SHF: variants seen among roughly 807,000 people sequenced by gnomAD.
SHF encodes Src homology 2 domain containing F.
A neutral mutation model predicts 42.4 loss-of-function variants in SHF; 30 were observed. That is an observed-to-expected ratio of 0.71 (90% CI 0.53 to 0.96). SHF has a LOEUF of 0.96. Ranked by LOEUF, SHF falls within the 40% of genes least tolerant of loss-of-function variation. SHF has a pLI of 0.00. For missense variants in SHF, 598 were observed against 634.0 expected (o/e 0.94, Z 0.61); for synonymous variants, 264 against 269.9 (o/e 0.98, Z 0.21).
chr15:45,180,398 T>G (rs560577179), intron 1 of SHF, among the ~76,000 whole-genome samples: 1 of 152,252 alleles, frequency 6.6e-6, no homozygotes, highest in East Asian at 1.9e-4. Context: ...CCACCTTCGG[T>G]GATTCTGTCA....
At chr15:45,198,969 C>A (rs771909719) in exon 2 of SHF, 6 of 1,613,534 alleles carry the variant, frequency 3.7e-6, no homozygotes, top group Non-Finnish European at 5.1e-6. Flanking sequence ...CTCAGACTAC[C>A]CTTGGGGGAT....
chr15:45,178,383 T>C (rs1897940092), intron 1 of SHF, 77 bp from the exon 2 acceptor site: 1 of 1,529,982 alleles, frequency 6.5e-7, no homozygotes, highest in South Asian at 1.3e-5. Flanking sequence ...ACTCTGTCCA[T>C]GGGAGCAAGA....
exon 1 of SHF, chr15:45,201,027 C>A: frequency 2.8e-6 from 1 of 351,620 alleles, no homozygotes; most frequent in Non-Finnish European, 5.6e-6. Flanking sequence ...GCTGCTCTTG[C>A]GGGTGAACGT....
chr15:45,195,345 CT>C (rs1898832911), intron 2 of SHF, among the ~76,000 whole-genome samples: 1 of 152,158 alleles, frequency 6.6e-6, no homozygotes, highest in Admixed American at 6.5e-5. Context: ...TTTTTTGACT[CT>C]TGCTACACAC....
intron 2 of SHF, among the ~76,000 whole-genome samples, chr15:45,196,876 G>A (rs1898882765): frequency 6.7e-6 from 1 of 150,200 alleles, no homozygotes; most frequent in East Asian, 1.9e-4. Flanking sequence ...ACTCCAGCCT[G>A]GGTGACAGAG....
chr15:45,185,584 T>C (rs996285491), intron 1 of SHF, among the ~76,000 whole-genome samples: 1 of 152,250 alleles, frequency 6.6e-6, no homozygotes, highest in Non-Finnish European at 1.5e-5. Flanking sequence ...GTATGGCTCC[T>C]GGGAGAGCCT....
At chr15:45,169,786 C>T (rs1426398972) in intron 6 of SHF, among the ~76,000 whole-genome samples, 1 of 152,240 alleles carries the variant, frequency 6.6e-6, no homozygotes, top group Non-Finnish European at 1.5e-5. Flanking sequence ...GCTTTCCCAC[C>T]TCCTGGGACA....
chr15:45,170,977 T>C (rs1329976165), intron 6 of SHF: 2 of 155,746 alleles, frequency 1.3e-5, no homozygotes, highest in African/African-American at 4.8e-5. Context: ...TTGAGGGAAG[T>C]TGAATAATTA....
upstream of SHF, among the ~76,000 whole-genome samples, chr15:45,189,118 A>C (rs938607090): frequency 1.1e-4 from 16 of 150,542 alleles, no homozygotes; most frequent in African/African-American, 3.9e-4. Context: ...GCTTGAACCC[A>C]GGAGGCAGAG....
exon 2 of SHF, chr15:45,198,867 C>T (rs1385698160): frequency 6.2e-7 from 1 of 1,613,988 alleles, no homozygotes; most frequent in Non-Finnish European, 8.5e-7. Context: ...CCATTAGCCA[C>T]GGGCTGTGGT....
At position 45,196,094 on chromosome 15, in the gene SHF, C is replaced by T. The variant is rs527318278; in HGVS notation, c.303+2678G>A. Among the ~76,000 whole-genome samples the T allele has an allele frequency of 1.1e-4, 16 of 142,188 alleles. No homozygotes were observed. In the East Asian group the frequency reaches 2.4e-3, roughly 21 times the overall value. 93.3% of individuals were successfully genotyped at this position (142,188 alleles called of 152,430 possible). A position where few individuals can be genotyped will look rare whatever the true frequency, so the allele number is the denominator to read the frequency against. ...ACACAAAACTCCAGATTGCTGACTT[C>T]CTGTTTTTTTTTTTTTTTTTTGAGA... On this transcript the variant is annotated intron_variant, in intron 2 of 7. Coordinates refer to the SHF transcript ENST00000290894.
At position 45,175,756 on chromosome 15, in the gene SHF, A is replaced by T. The variant is rs952929264; in HGVS notation, c.641-331T>A. Among the ~76,000 whole-genome samples the T allele has an allele frequency of 3.9e-5, 6 of 151,952 alleles. No individual in the cohort carries two copies. The South Asian group carries it at 6.2e-4, about 16-fold the overall frequency. ...CCTCCCGTTGTCCACTTCCTCCCTG[A>T]TGCCAAGCTCCATTTGTTTCCTTCT... On this transcript the variant is annotated intron_variant, in intron 2 of 6. Transcript: ENST00000690270.
At chr15:45,180,752 C>T (rs1053246446) in intron 1 of SHF, among the ~76,000 whole-genome samples, 3 of 152,206 alleles carry the variant, frequency 2.0e-5, no homozygotes, top group African/African-American at 7.2e-5. Context: ...TATTATCACA[C>T]TGCATGGTAA....
intron 1 of SHF, among the ~76,000 whole-genome samples, chr15:45,182,319 C>T (rs1898169879): frequency 8.5e-5 from 13 of 152,230 alleles, no homozygotes; most frequent in Admixed American, 8.5e-4. Flanking sequence ...TGTCTGGAAA[C>T]CTCTTTTTAT....
intron 2 of SHF, among the ~76,000 whole-genome samples, chr15:45,176,414 C>T (rs1317720609): frequency 6.6e-6 from 1 of 151,032 alleles, no homozygotes; most frequent in East Asian, 1.9e-4. Context: ...CAAGTCACAT[C>T]TGCTTCTCCA....
intron 1 of SHF, among the ~76,000 whole-genome samples, chr15:45,182,659 C>T (rs1898190158): frequency 6.6e-6 from 1 of 152,126 alleles, no homozygotes; most frequent in South Asian, 2.1e-4. Flanking sequence ...TTAAAATACA[C>T]TTTAAATCTA....
chr15:45,192,857 T>G (rs575295904), upstream of SHF, among the ~76,000 whole-genome samples: 4 of 152,334 alleles, frequency 2.6e-5, no homozygotes, highest in East Asian at 7.7e-4. Flanking sequence ...CATAGTTTCT[T>G]CATGATTAGA....
At chr15:45,177,244 C>T (rs550562014) in intron 2 of SHF, among the ~76,000 whole-genome samples, 1 of 152,288 alleles carries the variant, frequency 6.6e-6, no homozygotes, top group South Asian at 2.1e-4. Flanking sequence ...AGGCTCTGAG[C>T]TTGGATGGGG....
Position 45,175,144 on chromosome 15 carries a change from C to T in SHF, c.847+75G>A, listed in dbSNP as rs1198511372. On this transcript the variant is annotated intron_variant, in intron 3 of 6. Transcript: ENST00000690270. Reference sequence around the variant, plus strand: ...TGGGCCTCTCTGGGTTCCTGGGGTCCACTCCTTCCATTCTCTTGAGCCTGG... The same window carrying T: ...TGGGCCTCTCTGGGTTCCTGGGGTCTACTCCTTCCATTCTCTTGAGCCTGG... 4.1e-6 allele frequency: 6 copies of T among 1,469,412 alleles called. No individual in the cohort carries two copies. The African/African-American group carries it at 7.1e-5, about 18-fold the overall frequency. 91.0% of individuals were successfully genotyped at this position (1,469,412 alleles called of 1,614,324 possible).
Sources: allele counts gnomAD v4.1 joint callset (sites outside exome capture counted in the v4.1 genomes callset), GRCh38; gene constraint gnomAD v4.1.1; transcripts MANE v1.5; gene names NCBI Gene and HGNC (gene_info 2026-07-23, HGNC 2026-07-21).